FAT1: variants seen among roughly 807,000 people sequenced by gnomAD.
FAT1 encodes the protein FAT atypical cadherin 1.
In FAT1, 171 loss-of-function variants were observed where a neutral mutation model predicts 329.8. The ratio of observed to expected loss-of-function variants is 0.52; its 90% confidence interval spans 0.46 to 0.59. The LOEUF (loss-of-function observed/expected upper bound fraction) is 0.59, where lower values mean the gene tolerates loss of function less well. Ranked by LOEUF, FAT1 falls within the 20% of genes least tolerant of loss-of-function variation. The pLI, the probability that FAT1 is intolerant of heterozygous loss-of-function variation, is 0.00. For missense variants in FAT1, 5,672 were observed against 5,774.4 expected, an observed-to-expected ratio of 0.98 and a Z score of 0.57; for synonymous variants, 2,233 against 2,228.6, an observed-to-expected ratio of 1.00 and a Z score of -0.06.
intron 3 of FAT1, among the ~76,000 whole-genome samples, chr4:186,647,467 C>A (rs1169946441): frequency 2.6e-5 from 4 of 152,122 alleles, no homozygotes; most frequent in Non-Finnish European, 5.9e-5. Flanking sequence ...TTCACATAGA[C>A]AACTCTAAAT....
Position 186,707,240 on chromosome 4 carries a change from G to GT in FAT1, c.2587dup (p.Thr863AsnfsTer9). 6.2e-7 allele frequency: 1 copy of GT among 1,613,946 alleles called. No individual in the cohort carries two copies. Among genetic ancestry groups the GT allele is most frequent in the Non-Finnish European group, 8.5e-7 (1 of 1,179,886 alleles). The stretch of plus-strand genomic sequence containing the variant: ...GTCAATTGAAAATGTGTCTGTGTCT[G>GT]TAACAATTGAGTACGTCACGTGTCC... On this transcript the variant is annotated frameshift_variant, in exon 2 of 27. Coordinates refer to ENST00000441802, the MANE Select transcript of FAT1 (RefSeq NM_005245.4). LOFTEE classifies it high-confidence loss of function.
In FAT1 at chr4:186,614,271, G is replaced by A. The variant is rs200444396; in HGVS notation, c.9149C>T (p.Ala3050Val). 8.7e-6 allele frequency: 14 copies of A among 1,603,792 alleles called. No homozygotes were observed. The highest frequency in any genetic ancestry group is 2.3e-5 in the South Asian group (2 of 88,644). The change falls in exon 12 of 27, where the codon GCA (alanine) becomes GTA (valine). Residue 3050 changes from alanine to valine, a missense_variant. Ala to Val is a moderately conservative substitution (Grantham distance 64). Around this residue, in one of 2 missense-constraint regions of FAT1, gnomAD observed 3,966 missense variants for 3,915.2 expected, o/e 1.01. Coordinates refer to ENST00000441802, the MANE Select transcript of FAT1 (RefSeq NM_005245.4). ...KLIMQISATD[A>V]DIRSNAEITY... ...AATTTCAGCGTTAGAGCGGATGTCT[G>A]CGTCTGTAGCAGAGATCTGCATGAT...
At chr4:186,613,710 C>G (rs1447584170) in intron 12 of FAT1, among the ~76,000 whole-genome samples, 3 of 152,168 alleles carry the variant, frequency 2.0e-5, no homozygotes, top group African/African-American at 4.8e-5. Context: ...AAAGGCTTAA[C>G]AGGAAACTTA....
rs573028422 is a variant in FAT1, at chr4:186,626,503, A to AGAAT, written c.4810+1647_4810+1650dup. Among the ~76,000 whole-genome samples, 959 of 131,112 alleles carry AGAAT rather than the reference A, an allele frequency of 7.3e-3. 3 individuals carry two copies. The highest frequency in any genetic ancestry group is 0.012 in the Non-Finnish European group (707 of 59,872). 86.0% of individuals were successfully genotyped at this position (131,112 alleles called of 152,430 possible). On this transcript the variant is annotated intron_variant, in intron 9 of 26. Transcript: ENST00000441802. ...CATAAACTGAGCTTCATCAGCCTAC[A>AGAAT]GAATGAATGAATGAATGAATGAGGG...
chr4:186,657,704 G>A (rs147586477), intron 3 of FAT1, among the ~76,000 whole-genome samples: 159 of 152,234 alleles, frequency 1.0e-3, no homozygotes, highest in African/African-American at 3.8e-3. Context: ...TAGCAAAAAC[G>A]TGAAAAATAT....
intron 7 of FAT1, among the ~76,000 whole-genome samples, chr4:186,631,536 C>A (rs1291456331): frequency 6.6e-6 from 1 of 151,290 alleles, no homozygotes; most frequent in African/African-American, 2.4e-5. Flanking sequence ...TCAATCCCCG[C>A]GGTATGCTAG....
At chr4:186,590,926 G>C (rs1382359780) in intron 26 of FAT1, among the ~76,000 whole-genome samples, 1 of 152,218 alleles carries the variant, frequency 6.6e-6, no homozygotes, top group Non-Finnish European at 1.5e-5. Context: ...CAAACTGTAT[G>C]TATTTTGAAT....
At chr4:186,651,141 AT>A (rs201346240) in intron 3 of FAT1, among the ~76,000 whole-genome samples, 7,118 of 122,410 alleles carry the variant, frequency 0.058, 577 homozygotes, top group African/African-American at 0.19. Context: ...TACTAAATTT[AT>A]TTATTAATAA....
In FAT1 at chr4:186,708,431, G is replaced by C. The variant is rs778333548; in HGVS notation, c.1397C>G (p.Thr466Arg). The C allele has an allele frequency of 6.2e-7, 1 of 1,614,028 alleles. No individual in the cohort carries two copies. Among genetic ancestry groups the C allele is most frequent in the Non-Finnish European group, 8.5e-7 (1 of 1,179,902 alleles). ...ANSNPPEFTQ[T>R]AYKAAFDENV... ...CTCATCAAAAGCAGCTTTGTACGCT[G>C]TCTGGGTAAATTCAGGGGGATTGCT... Residue 466 changes from threonine (T) to arginine (R), a missense_variant, in exon 2 of 27, where the codon ACA becomes AGA. Thr to Arg is a moderately conservative substitution (Grantham distance 71). Coordinates refer to ENST00000441802, the MANE Select transcript of FAT1 (RefSeq NM_005245.4).
At chr4:186,612,849 G>A (rs1181862883) in intron 13 of FAT1, among the ~76,000 whole-genome samples, 1 of 152,178 alleles carries the variant, frequency 6.6e-6, no homozygotes, top group African/African-American at 2.4e-5. Context: ...TTAATTCAAT[G>A]GGATGTGAAG....
intron 2 of FAT1, among the ~76,000 whole-genome samples, chr4:186,664,256 C>T (rs2126620523): frequency 6.6e-6 from 1 of 152,288 alleles, no homozygotes; most frequent in Admixed American, 6.5e-5. Flanking sequence ...CTGCTCAGAT[C>T]TCCTGAGTGT....
rs376164883 is a variant in FAT1, at chr4:186,619,896, G to C, written c.6690C>G (p.Asn2230Lys). 2.5e-6 allele frequency: 4 copies of C among 1,613,894 alleles called. No individual in the cohort carries two copies. Among genetic ancestry groups the C allele is most frequent in the Non-Finnish European group, 3.4e-6 (4 of 1,179,906 alleles). ...DGDPFSQFTI[N>K]FNTGVINVIA... ...TGACATTGATAACTCCAGTATTGAA[G>C]TTAATAGTGAACTGGCTGAAAGGGT... is the stretch of plus-strand genomic sequence containing the variant. The change falls in exon 10 of 27, where the codon AAC (asparagine) becomes AAG (lysine). Residue 2230 changes from asparagine (N) to lysine (K), a missense_variant. Coordinates refer to ENST00000441802, the MANE Select transcript of FAT1 (RefSeq NM_005245.4).
At chr4:186,632,353 C>T (rs545529510) in intron 7 of FAT1, among the ~76,000 whole-genome samples, 13 of 152,216 alleles carry the variant, frequency 8.5e-5, no homozygotes, top group Admixed American at 2.6e-4. Context: ...TCTGGGTAGT[C>T]GATTCTGTGA....
intron 2 of FAT1, among the ~76,000 whole-genome samples, chr4:186,701,886 C>T (rs1579473831): frequency 6.6e-6 from 1 of 152,368 alleles, no homozygotes; most frequent in South Asian, 2.1e-4. Context: ...TAGCCTGGGC[C>T]GGAATTCCGT....
chr4:186,708,349 A>G lies in FAT1; in HGVS notation c.1479T>C (p.Gly493=), dbSNP rs2126695761. The part of the protein sequence containing the change: ...MSLSAVDPDE[G]ENGYVTYSIA... ...TACTGTATGTCACGTACCCGTTCTCACCCTCATCAGGGTCTACGGCACTCA... is the reference window on the plus strand; with the variant it reads ...TACTGTATGTCACGTACCCGTTCTCGCCCTCATCAGGGTCTACGGCACTCA... The change falls in exon 2 of 27, where the codon GGT becomes GGC. Residue 493 remains glycine (G), a synonymous_variant. Transcript: ENST00000441802. The G allele has an allele frequency of 1.9e-6, 3 of 1,613,844 alleles. No homozygotes were observed. The highest frequency in any genetic ancestry group is 2.5e-6 in the Non-Finnish European group (3 of 1,179,836).
At position 186,589,025 on chromosome 4, in the gene FAT1, G is replaced by A. The variant is rs755921294; in HGVS notation, c.13334C>T (p.Ala4445Val). ...GGGCGGTAACGGTGGTAGCTCATCA[G>A]CTGCGGGGAAGTCTTCTGGGGGTGG... ...FPPPPEDFPA[A>V]DELPPLPPEF... The change falls in exon 27 of 27, where the codon GCT (alanine) becomes GTT (valine). Residue 4445 changes from alanine to valine, a missense_variant. Physicochemically the swap from Ala to Val is moderately conservative, Grantham distance 64 (BLOSUM62 0). Coordinates refer to ENST00000441802, the MANE Select transcript of FAT1 (RefSeq NM_005245.4). The A allele has an allele frequency of 6.2e-7, 1 of 1,613,886 alleles. No individual in the cohort carries two copies. Among genetic ancestry groups the A allele is most frequent in the Non-Finnish European group, 8.5e-7 (1 of 1,179,874 alleles).
rs2126513803 is a variant in FAT1, at chr4:186,620,245, C to T, written c.6341G>A (p.Gly2114Glu). The change falls in exon 10 of 27, where the codon GGG (glycine) becomes GAG (glutamate). Residue 2114 changes from glycine (G) to glutamate (E), a missense_variant. This residue lies in a region of FAT1 where 3,966 missense variants were observed against 3,915.2 expected (regional missense o/e 1.01). Coordinates refer to ENST00000441802, the MANE Select transcript of FAT1 (RefSeq NM_005245.4). ...TAVDRDSGRN[G>E]EVHYYLKEHH... Reference sequence around the variant, plus strand: ...TTCCTTGAGGTAGTAATGCACTTCCCCGTTTCTGCCACTGTCTCTGTCTAC... The same window carrying T: ...TTCCTTGAGGTAGTAATGCACTTCCTCGTTTCTGCCACTGTCTCTGTCTAC... 6.2e-7 allele frequency: 1 copy of T among 1,613,964 alleles called. No individual in the cohort carries two copies. The highest frequency in any genetic ancestry group is 8.5e-7 in the Non-Finnish European group (1 of 1,179,886).
intron 3 of FAT1, among the ~76,000 whole-genome samples, chr4:186,640,492 T>A (rs1477519459): frequency 6.6e-6 from 1 of 152,214 alleles, no homozygotes; most frequent in Non-Finnish European, 1.5e-5. Context: ...CTTCTATAAC[T>A]ATATTAATAA....
chr4:186,590,997 T>G (rs546567583), intron 26 of FAT1, among the ~76,000 whole-genome samples: 29 of 152,360 alleles, frequency 1.9e-4, no homozygotes, highest in Non-Finnish European at 3.8e-4. Context: ...ACTTACCCCA[T>G]GTCTGTAATT....
Sources: allele counts gnomAD v4.1 joint callset (sites outside exome capture counted in the v4.1 genomes callset), GRCh38; gene constraint gnomAD v4.1.1; regional missense constraint gnomAD v4.1.1; transcripts MANE v1.5; gene names NCBI Gene and HGNC (gene_info 2026-07-23, HGNC 2026-07-21).